Variants in DCC observed in about 807,000 individuals in gnomAD.
The protein encoded by DCC is netrin receptor DCC.
DCC carries 58 observed loss-of-function variants against 172.5 expected under a neutral mutation model. That is an observed-to-expected ratio of 0.34 (90% CI 0.27 to 0.42). The LOEUF (loss-of-function observed/expected upper bound fraction) is 0.42, where lower values mean the gene tolerates loss of function less well. Ranked by LOEUF, DCC falls within the 10% of genes least tolerant of loss-of-function variation. DCC has a pLI of 1.00. For missense variants in DCC, 1,740 were observed against 1,791.0 expected (o/e 0.97, Z 0.51); for synonymous variants, 709 against 644.5 (o/e 1.10, Z -1.52).
At chr18:52,518,854 C>G (rs530247192) in intron 1 of DCC, among the ~76,000 whole-genome samples, 12 of 152,170 alleles carry the variant, frequency 7.9e-5, no homozygotes, top group Non-Finnish European at 1.5e-4. Flanking sequence ...ATCTACCTGC[C>G]TCTACATACT....
intron 14 of DCC, among the ~76,000 whole-genome samples, chr18:53,333,729 G>A (rs1469291313): frequency 1.3e-5 from 2 of 152,170 alleles, no homozygotes; most frequent in African/African-American, 2.4e-5. Flanking sequence ...GGGGTTTTGA[G>A]CAGAGCAATA....
chr18:52,632,521 A>G (rs1192651794), intron 1 of DCC, among the ~76,000 whole-genome samples: 1 of 152,224 alleles, frequency 6.6e-6, no homozygotes, highest in African/African-American at 2.4e-5. Flanking sequence ...CTTGACATCC[A>G]ACAATTCAAA....
intron 1 of DCC, among the ~76,000 whole-genome samples, chr18:52,428,325 G>T (rs911112989): frequency 1.3e-5 from 2 of 152,134 alleles, no homozygotes; most frequent in African/African-American, 4.8e-5. Flanking sequence ...CCTTCAGAGA[G>T]TGTGTCTACT....
At chr18:53,455,285 G>A (rs939370623) in intron 23 of DCC, among the ~76,000 whole-genome samples, 6 of 152,128 alleles carry the variant, frequency 3.9e-5, no homozygotes, top group Admixed American at 6.5e-5. Context: ...AACTTTAGCA[G>A]ACGATGCCTG....
chr18:53,134,103 G>C (rs2043701391), intron 7 of DCC, among the ~76,000 whole-genome samples: 1 of 152,124 alleles, frequency 6.6e-6, no homozygotes, highest in African/African-American at 2.4e-5. Flanking sequence ...ACAAGTTGAG[G>C]CTGTGCCTCT....
At chr18:52,597,514 A>AT (rs35443436) in intron 1 of DCC, among the ~76,000 whole-genome samples, 3 of 151,696 alleles carry the variant, frequency 2.0e-5, no homozygotes, top group African/African-American at 2.4e-5. Flanking sequence ...AGTTTAAGCA[A>AT]TTTTTTTCTG....
chr18:52,749,264 G>A (rs1385136620), intron 1 of DCC, among the ~76,000 whole-genome samples: 1 of 152,120 alleles, frequency 6.6e-6, no homozygotes, highest in Admixed American at 6.5e-5. Context: ...AGGAACAGAA[G>A]TTCTCACTCT....
chr18:53,003,613 CTA>C (rs1248254517), intron 5 of DCC, among the ~76,000 whole-genome samples: 3 of 152,078 alleles, frequency 2.0e-5, no homozygotes, highest in African/African-American at 7.2e-5. Context: ...CAAAGACTTT[CTA>C]TACCTATCTC....
chr18:52,953,000 C>CAAAAAAAAAAAAAAA lies in DCC; in HGVS notation c.985+27644_985+27658dup, dbSNP rs11315976. On this transcript the variant is annotated intron_variant, in intron 5 of 28. Transcript: ENST00000442544. The stretch of plus-strand genomic sequence containing the variant: ...GCACCACAGTAAGACTCTCCTGTCT[C>CAAAAAAAAAAAAAAA]AAAAAAAAAAAAAAAAAAAAAAAAA... Among the ~76,000 whole-genome samples, 5 of 52,220 alleles carry CAAAAAAAAAAAAAAA rather than the reference C, an allele frequency of 9.6e-5. 1 individual carries two copies. The highest frequency in any genetic ancestry group is 3.3e-4 in the African/African-American group (4 of 12,260). The allele number at this position is 52,220 out of a possible 152,430, so 34.3% of individuals were successfully genotyped here. A position where few individuals can be genotyped will look rare whatever the true frequency, so the allele number is the denominator to read the frequency against.
At chr18:53,066,264 A>G (rs1019111352) in intron 7 of DCC, 98 bp downstream of exon 7, 39 of 1,139,904 alleles carry the variant, frequency 3.4e-5, no homozygotes, top group Non-Finnish European at 5.1e-5. Flanking sequence ...CAAGGGCAAT[A>G]TGGCAATATG....
intron 2 of DCC, among the ~76,000 whole-genome samples, chr18:52,770,345 T>A (rs2037320070): frequency 6.6e-6 from 1 of 152,234 alleles, no homozygotes; most frequent in Non-Finnish European, 1.5e-5. Flanking sequence ...CTCTGTTCAT[T>A]CTTTAAAGCT....
chr18:52,515,222 A>T (rs2031585887), intron 1 of DCC, among the ~76,000 whole-genome samples: 1 of 152,200 alleles, frequency 6.6e-6, no homozygotes, highest in Admixed American at 6.5e-5. Context: ...AAAGGGTGCT[A>T]GAGAGATTGT....
chr18:53,261,476 C>T (rs573032339), intron 12 of DCC, among the ~76,000 whole-genome samples: 7 of 152,116 alleles, frequency 4.6e-5, no homozygotes, highest in Non-Finnish European at 7.4e-5. Context: ...TATGTCTTTC[C>T]TCTCCTCTGT....
At chr18:52,467,820 A>C (rs751593908) in intron 1 of DCC, among the ~76,000 whole-genome samples, 4 of 151,858 alleles carry the variant, frequency 2.6e-5, no homozygotes, top group Non-Finnish European at 5.9e-5. Context: ...TTTTTTTCAT[A>C]TGTTTGTTGG....
At chr18:52,681,075 A>G (rs2035742432) in intron 1 of DCC, among the ~76,000 whole-genome samples, 1 of 152,064 alleles carries the variant, frequency 6.6e-6, no homozygotes, top group African/African-American at 2.4e-5. Context: ...ACTTTATGTT[A>G]TCCCTTCAAT....
chr18:53,397,944 A>G (rs1599105837), intron 18 of DCC, among the ~76,000 whole-genome samples: 1 of 151,536 alleles, frequency 6.6e-6, no homozygotes, highest in Non-Finnish European at 1.5e-5. Context: ...CTCCTGGGAA[A>G]TGGGGTAACA....
chr18:53,404,744 TA>T (rs1478352066), intron 19 of DCC, among the ~76,000 whole-genome samples: 1 of 50,058 alleles, frequency 2.0e-5, no homozygotes, highest in Non-Finnish European at 7.3e-5. Context: ...AATAAAAAAA[TA>T]AAATAAAAAA....
chr18:52,956,279 G>A (rs1340543884), intron 5 of DCC, among the ~76,000 whole-genome samples: 1 of 151,890 alleles, frequency 6.6e-6, no homozygotes, highest in Non-Finnish European at 1.5e-5. Flanking sequence ...TTTACATGTA[G>A]ATATCCAGTT....
intron 1 of DCC, among the ~76,000 whole-genome samples, chr18:52,427,867 C>T (rs1454352844): frequency 7.4e-6 from 1 of 135,102 alleles, no homozygotes. Flanking sequence ...TTCCTTCCTT[C>T]CTTCCTTCCT....
Sources: allele counts gnomAD v4.1 joint callset (sites outside exome capture counted in the v4.1 genomes callset), GRCh38; gene constraint gnomAD v4.1.1; transcripts MANE v1.5; gene names NCBI Gene and HGNC (gene_info 2026-07-23, HGNC 2026-07-21).